AVL9: variants seen among roughly 807,000 people sequenced by gnomAD.
The protein encoded by AVL9 is late secretory pathway protein AVL9 homolog.
In AVL9, 49 loss-of-function variants were observed where a neutral mutation model predicts 79.2. The observed-to-expected ratio is 0.62, with a 90% CI of 0.49 to 0.79. AVL9 has a LOEUF of 0.79. Ranked by LOEUF, AVL9 falls within the 30% of genes least tolerant of loss-of-function variation. AVL9 has a pLI of 0.00. For missense variants in AVL9, 682 were observed against 776.8 expected (o/e 0.88, Z 1.45); for synonymous variants, 299 against 280.6 (o/e 1.07, Z -0.65).
intron 1 of AVL9, among the ~76,000 whole-genome samples, chr7:32,497,102 T>C (rs376757663): frequency 6.6e-4 from 88 of 133,038 alleles, no homozygotes; most frequent in African/African-American, 2.5e-3. Flanking sequence ...CCTGTCTCAA[T>C]CCCAGCACTT....
chr7:32,583,888 C>G lies in AVL9; in HGVS notation c.1928C>G (p.Pro643Arg), dbSNP rs557190241. ...TCCACCTCCCAAAGTCTCACTGAGCCACCAGATGAGAAGCCTTGAGCAAGG... is the reference window on the plus strand; with the variant it reads ...TCCACCTCCCAAAGTCTCACTGAGCGACCAGATGAGAAGCCTTGAGCAAGG... ...TTSTSQSLTEPPDEKP is the reference protein window; with the variant it reads ...TTSTSQSLTERPDEKP Residue 643 changes from proline (P) to arginine (R), a missense_variant, in exon 16 of 16, where the codon CCA (proline) becomes CGA (arginine). By Grantham distance (103) the Pro-to-Arg change is moderately radical (BLOSUM62 -2). Coordinates refer to ENST00000318709, the MANE Select transcript of AVL9 (RefSeq NM_015060.3). 1 of 1,613,662 alleles carries G rather than the reference C, an allele frequency of 6.2e-7. No individual in the cohort carries two copies. The highest frequency in any genetic ancestry group is 8.5e-7 in the Non-Finnish European group (1 of 1,179,608).
intron 1 of AVL9, among the ~76,000 whole-genome samples, chr7:32,521,430 T>C (rs576995514): frequency 6.6e-6 from 1 of 152,148 alleles, no homozygotes; most frequent in Non-Finnish European, 1.5e-5. Context: ...AAGGTGACTT[T>C]TGTTATGTTT....
At chr7:32,578,672 G>A (rs1245489386) in intron 13 of AVL9, among the ~76,000 whole-genome samples, 1 of 152,024 alleles carries the variant, frequency 6.6e-6, no homozygotes, top group Non-Finnish European at 1.5e-5. Context: ...AGCCGGGTGT[G>A]GTGGTACATG....
At position 32,543,121 on chromosome 7, in the gene AVL9, A is replaced by G. The variant is rs993941628; in HGVS notation, c.94-20A>G. ...TCCTTTGGTCAACCACCTTTTGGCT[A>G]ACATTCCTTACTATTTTAGGTTGAA... On this transcript the variant is annotated intron_variant, in intron 1 of 15. Transcript: ENST00000318709. 6.2e-7 allele frequency: 1 copy of G among 1,612,436 alleles called. No individual in the cohort carries two copies. The highest frequency in any genetic ancestry group is 2.2e-5 in the East Asian group (1 of 44,872).
At chr7:32,567,640 C>T (rs1471515191) in intron 10 of AVL9, among the ~76,000 whole-genome samples, 1 of 151,932 alleles carries the variant, frequency 6.6e-6, no homozygotes, top group Non-Finnish European at 1.5e-5. Context: ...TTTTCCCCTC[C>T]CTTTTTACAA....
At chr7:32,575,398 C>A (rs1438243628) in intron 12 of AVL9, among the ~76,000 whole-genome samples, 1 of 151,998 alleles carries the variant, frequency 6.6e-6, no homozygotes, top group East Asian at 1.9e-4. Context: ...TGCACCTGGC[C>A]TTTTTTAAGT....
At chr7:32,582,778 C>T (rs1389030029) in intron 15 of AVL9, among the ~76,000 whole-genome samples, 1 of 152,136 alleles carries the variant, frequency 6.6e-6, no homozygotes, top group Non-Finnish European at 1.5e-5. Context: ...ATCCCTGCAA[C>T]CCCTGGCAGG....
intron 1 of AVL9, chr7:32,536,675 C>T (rs987889412): frequency 2.6e-5 from 4 of 152,154 alleles, no homozygotes; most frequent in Admixed American, 2.6e-4. Flanking sequence ...CAAAACTGCC[C>T]TCACTTCAGG....
intron 10 of AVL9, among the ~76,000 whole-genome samples, chr7:32,568,233 C>T (rs1256556319): frequency 1.3e-5 from 2 of 149,198 alleles, no homozygotes; most frequent in South Asian, 4.2e-4. Flanking sequence ...TGGAGTCTTA[C>T]TCTGTCGCCC....
chr7:32,557,834 A>C (rs968457472), intron 8 of AVL9, among the ~76,000 whole-genome samples: 1 of 141,586 alleles, frequency 7.1e-6, no homozygotes, highest in Non-Finnish European at 1.5e-5. Context: ...TAGTACTTCT[A>C]TGTTTATTAG....
At chr7:32,539,801 C>G (rs572913815) in intron 1 of AVL9, among the ~76,000 whole-genome samples, 1 of 152,120 alleles carries the variant, frequency 6.6e-6, no homozygotes, top group Non-Finnish European at 1.5e-5. Context: ...AGGAGAGACT[C>G]GATTTTCTTG....
chr7:32,505,396 G>A (rs938028877), intron 1 of AVL9, among the ~76,000 whole-genome samples: 8 of 151,384 alleles, frequency 5.3e-5, no homozygotes, highest in Admixed American at 6.6e-5. Context: ...TGTAGCAGGT[G>A]TCTGTAATCC....
chr7:32,562,953 C>A lies in AVL9; in HGVS notation c.1215+3489C>A, dbSNP rs568806145. Among the ~76,000 whole-genome samples, 9 of 152,266 alleles carry A rather than the reference C, an allele frequency of 5.9e-5. No homozygotes were observed. The South Asian group carries it at 1.9e-3, about 32-fold the overall frequency. ...CTATATAAAAATAAATAAAGTTACA[C>A]TGATGCTGAGTCACTTACATAGATT... On this transcript the variant is annotated intron_variant, in intron 10 of 15. Coordinates refer to ENST00000318709, the MANE Select transcript of AVL9 (RefSeq NM_015060.3).
At chr7:32,511,565 G>C (rs1016694114) in intron 1 of AVL9, among the ~76,000 whole-genome samples, 6 of 152,034 alleles carry the variant, frequency 3.9e-5, no homozygotes, top group Admixed American at 1.3e-4. Context: ...GGGCGAGGGG[G>C]AAAGATAGGA....
At position 32,509,798 on chromosome 7, in the gene AVL9, C is replaced by T. The variant is rs190418157; in HGVS notation, c.93+13996C>T. 5.6e-3 allele frequency among the ~76,000 whole-genome samples: 851 copies of T among 152,134 alleles called. 9 individuals carry two copies. Among genetic ancestry groups the T allele is most frequent in the African/African-American group, 0.019 (794 of 41,482 alleles). ...CTGAGAGGTGGAGGTTGCAGTGAAC[C>T]AAGATCACACCACTGTACTCCAGCC... On this transcript the variant is annotated intron_variant, in intron 1 of 15. Coordinates refer to ENST00000318709, the MANE Select transcript of AVL9 (RefSeq NM_015060.3).
intron 7 of AVL9, 147 bp downstream of exon 7, chr7:32,553,914 C>T (rs1789951155): frequency 1.8e-6 from 1 of 546,722 alleles, no homozygotes; most frequent in African/African-American, 1.9e-5. Context: ...CTAAGATGTA[C>T]TTGGCCTTAT....
In AVL9 at chr7:32,577,665, G is replaced by A. The variant is rs1387935606; in HGVS notation, c.1688+1593G>A. Among the ~76,000 whole-genome samples, 3 of 152,098 alleles carry A rather than the reference G, an allele frequency of 2.0e-5. 1 individual carries two copies. The highest frequency in any genetic ancestry group is 7.2e-5 in the African/African-American group (3 of 41,412). ...CAGATCTTTATCTGTCACTACATCT[G>A]GTGCTTTTAACTTGAACCAGCTCTA... On this transcript the variant is annotated intron_variant, in intron 13 of 15. Coordinates refer to ENST00000318709, the MANE Select transcript of AVL9 (RefSeq NM_015060.3).
intron 1 of AVL9, chr7:32,531,770 G>A (rs1788667369): frequency 6.6e-6 from 1 of 152,376 alleles, no homozygotes; most frequent in Non-Finnish European, 1.5e-5. Context: ...AGGAGCCAAA[G>A]CGAGCGCTTT....
intron 1 of AVL9, among the ~76,000 whole-genome samples, chr7:32,507,770 A>AT (rs1400553534): frequency 6.6e-6 from 1 of 152,216 alleles, no homozygotes; most frequent in Non-Finnish European, 1.5e-5. Flanking sequence ...TAAGAGTGGA[A>AT]TTGATGGATT....
Sources: gnomAD v4.1 joint callset for allele counts (sites outside exome capture counted in the v4.1 genomes callset) on GRCh38, gnomAD v4.1.1 for gene constraint, MANE v1.5 for transcripts, NCBI Gene and HGNC (gene_info 2026-07-23, HGNC 2026-07-21) for gene names.